The following SLC35A2 variants were observed in gnomAD, a reference collection of about 807,000 sequenced individuals.
SLC35A2 encodes solute carrier family 35 member A2.
SLC35A2 carries 1 observed loss-of-function variant against 17.3 expected under a neutral mutation model. That is an observed-to-expected ratio of 0.06 (90% CI 0.02 to 0.27). The LOEUF (loss-of-function observed/expected upper bound fraction) is 0.27. SLC35A2 is among the 10% of genes least tolerant of loss of function. The probability of loss-of-function intolerance (pLI) is 1.00; values close to 1 mark genes in which losing one functional copy is unlikely to be tolerated. For synonymous variants in SLC35A2, 161 were observed against 161.3 expected (o/e 1.00, Z 0.01); for missense variants, 191 against 339.3 (o/e 0.56, Z 3.43).
chrX:48,911,369 A>G, intron 1 of SLC35A2, 177 bp downstream of exon 1: 1 of 591,777 alleles, frequency 1.7e-6, no homozygotes. Flanking sequence ...AGGATCCCAC[A>G]ATCACTCTCA....
Position 48,903,520 on chromosome X carries a change from C to T in SLC35A2, c.1164-55G>A, listed in dbSNP as rs1239117794. The T allele has an allele frequency of 1.4e-5, 8 of 562,840 alleles. 1 individual carries two copies. The African/African-American group carries it at 1.6e-4, about 11-fold the overall frequency. The allele number at this position is 562,840 out of a possible 1,213,427, so 46.4% of individuals were successfully genotyped here. A position where few individuals can be genotyped will look rare whatever the true frequency, so the allele number is the denominator to read the frequency against. ...CACAAAGCTGGGCTAGGCTGGCAGG[C>T]GGGTTTCCTGAGCAAGTGAGGGCGG... On this transcript the variant is annotated intron_variant, in intron 4 of 4. Transcript: ENST00000247138.
chrX:48,904,093 C>T, intron 4 of SLC35A2: 1 of 765,572 alleles, frequency 1.3e-6, no homozygotes, highest in Non-Finnish European at 1.5e-6. Flanking sequence ...CAAATGGCCC[C>T]TACCACACCT....
chrX:48,911,059 C>T (rs1163002493), intron 1 of SLC35A2, among the ~76,000 whole-genome samples: 1 of 110,808 alleles, frequency 9.0e-6, no homozygotes, highest in African/African-American at 3.3e-5. Flanking sequence ...GAGGGAGCCC[C>T]CAGAACGGTC....
Position 48,903,275 on chromosome X carries a change from G to C in SLC35A2, c.*163C>G. 2 of 791,225 alleles carry C rather than the reference G, an allele frequency of 2.5e-6. No homozygotes were observed. Among genetic ancestry groups the C allele is most frequent in the Non-Finnish European group, 3.8e-6 (2 of 530,868 alleles). The allele number at this position is 791,225 out of a possible 1,213,427, so 65.2% of individuals were successfully genotyped here. A position where few individuals can be genotyped will look rare whatever the true frequency, so the allele number is the denominator to read the frequency against. On this transcript the variant is annotated 3_prime_UTR_variant, in exon 5 of 5. Coordinates refer to ENST00000247138, the MANE Select transcript of SLC35A2 (RefSeq NM_005660.3). Reference sequence around the variant, plus strand: ...GGGGGGCTGAGCTGAGGTGGGTCATGAGAGAGCTTAGTCATGTTGGCCCTG... The same window carrying C: ...GGGGGGCTGAGCTGAGGTGGGTCATCAGAGAGCTTAGTCATGTTGGCCCTG...
Position 48,911,643 on chromosome X carries a change from A to G in SLC35A2, c.-7T>C, listed in dbSNP as rs782492261. 1.5e-5 allele frequency: 17 copies of G among 1,158,618 alleles called. No homozygotes were observed. The highest frequency in any genetic ancestry group is 2.0e-5 in the Non-Finnish European group (17 of 871,192). ...CAGCCCCAACCGCTGCCATGTTGGC[A>G]TCTGCCCGGCCCGTCCCCTCGGCAA... On this transcript the variant is annotated 5_prime_UTR_variant, in exon 1 of 5. It removes an upstream start codon present in the reference 5' UTR. Transcript: ENST00000247138.
At chrX:48,903,984 T>A (rs2063465562) in intron 4 of SLC35A2, 6 of 760,589 alleles carry the variant, frequency 7.9e-6, no homozygotes, top group Non-Finnish European at 9.3e-6. Flanking sequence ...GTGTCTTAAA[T>A]ACAATGAGAT....
At chrX:48,904,246 G>A (rs1367124973) in intron 4 of SLC35A2, 1 of 892,520 alleles carries the variant, frequency 1.1e-6, no homozygotes, top group Non-Finnish European at 1.4e-6. Flanking sequence ...CAGAGCGGTG[G>A]TAAGGGAGGA....
intron 2 of SLC35A2, among the ~76,000 whole-genome samples, chrX:48,907,143 T>C (rs1410681721): frequency 1.0e-5 from 1 of 96,870 alleles, no homozygotes; most frequent in Non-Finnish European, 2.1e-5. Context: ...CACTCCAGCC[T>C]GGGCAACAGA....
In SLC35A2 at chrX:48,903,406, C is replaced by T. The variant is rs781858426; in HGVS notation, c.*32G>A. On this transcript the variant is annotated 3_prime_UTR_variant, in exon 5 of 5. Coordinates refer to ENST00000247138, the MANE Select transcript of SLC35A2 (RefSeq NM_005660.3). Reference sequence around the variant, plus strand: ...CTGGGCCAAGGGCAAGAAGAGAGAACGAGGCCAGGCCAATGTCTTCAATCC... The same window carrying T: ...CTGGGCCAAGGGCAAGAAGAGAGAATGAGGCCAGGCCAATGTCTTCAATCC... 18 of 573,016 alleles carry T rather than the reference C, an allele frequency of 3.1e-5. No individual in the cohort carries two copies. Among genetic ancestry groups the T allele is most frequent in the Non-Finnish European group, 5.7e-5 (18 of 313,833 alleles). 47.2% of individuals were successfully genotyped at this position (573,016 alleles called of 1,213,427 possible). A position where few individuals can be genotyped will look rare whatever the true frequency, so the allele number is the denominator to read the frequency against.
chrX:48,905,720 A>C, intron 3 of SLC35A2: 1 of 349,882 alleles, frequency 2.9e-6, no homozygotes, highest in Non-Finnish European at 4.9e-6. Context: ...CCACATCCCA[A>C]TCCCATTTCC....
At position 48,909,902 on chromosome X, in the gene SLC35A2, C is replaced by A. The variant is rs1557043638; in HGVS notation, c.186G>T (p.Gly62=). Reference sequence around the variant, plus strand: ...CAGCAGTGGTGGCAAAGAAGCGGTCCCCTGGCAACGTGCGGGCGTAGCGGA... The same window carrying A: ...CAGCAGTGGTGGCAAAGAAGCGGTCACCTGGCAACGTGCGGGCGTAGCGGA... ...LSIRYARTLP[G]DRFFATTAVV... Residue 62 remains glycine (G), a synonymous_variant, in exon 2 of 5, where the codon GGG becomes GGT. Coordinates refer to ENST00000247138, the MANE Select transcript of SLC35A2 (RefSeq NM_005660.3). 8.3e-7 allele frequency: 1 copy of A among 1,210,233 alleles called. No homozygotes were observed. The highest frequency in any genetic ancestry group is 1.1e-6 in the Non-Finnish European group (1 of 894,643).
At chrX:48,905,580 G>A (rs1207447391) in intron 3 of SLC35A2, 98 bp from the exon 4 acceptor site, 4 of 810,491 alleles carry the variant, frequency 4.9e-6, no homozygotes, top group Non-Finnish European at 6.8e-6. Flanking sequence ...GCACAATGGA[G>A]GGACAGGGTG....
At chrX:48,908,339 C>T (rs1318394094) in intron 2 of SLC35A2, among the ~76,000 whole-genome samples, 3 of 110,888 alleles carry the variant, frequency 2.7e-5, no homozygotes, top group Non-Finnish European at 3.8e-5. Context: ...TGGTCTCTAA[C>T]TCCTGACCTT....
intron 4 of SLC35A2, chrX:48,904,145 T>C (rs1184177093): frequency 6.5e-5 from 50 of 772,122 alleles, no homozygotes; most frequent in Non-Finnish European, 7.7e-5. Flanking sequence ...CTCTTGTCCC[T>C]TTCTCCCTGG....
At chrX:48,911,318 AC>A (rs1197675355) in intron 1 of SLC35A2, among the ~76,000 whole-genome samples, 1 of 110,754 alleles carries the variant, frequency 9.0e-6, no homozygotes, top group African/African-American at 3.3e-5. Flanking sequence ...AAAAAGAATT[AC>A]CCACCACACT....
At chrX:48,904,300 A>G in intron 4 of SLC35A2, 1 of 998,908 alleles carries the variant, frequency 1.0e-6, no homozygotes, top group South Asian at 3.3e-5. Context: ...ACAGGTAGGC[A>G]TCGGTCATTC....
intron 2 of SLC35A2, among the ~76,000 whole-genome samples, chrX:48,909,443 T>A (rs1441763561): frequency 8.8e-6 from 1 of 113,080 alleles, no homozygotes; most frequent in African/African-American, 3.2e-5. Flanking sequence ...CAATCACTGA[T>A]GTTGTTTAAA....
chrX:48,911,935 G>A (rs2063540005), upstream of SLC35A2: 1 of 1,166,586 alleles, frequency 8.6e-7, no homozygotes, highest in Non-Finnish European at 1.1e-6. Context: ...TTCACTGATC[G>A]CGCTTTCCAG....
intron 2 of SLC35A2, 89 bp from the exon 3 acceptor site, chrX:48,906,632 T>TC: frequency 8.2e-6 from 7 of 850,375 alleles, no homozygotes; most frequent in Non-Finnish European, 1.2e-5. Context: ...CTCCTGTGAC[T>TC]CCCCCATCCA....
Sources: allele counts gnomAD v4.1 joint callset (sites outside exome capture counted in the v4.1 genomes callset), GRCh38; gene constraint gnomAD v4.1.1; transcripts MANE v1.5; gene names NCBI Gene and HGNC (gene_info 2026-07-23, HGNC 2026-07-21).